The following GALNT13 variants were observed in gnomAD, a reference collection of about 807,000 sequenced individuals.
The protein encoded by GALNT13 is UDP-GalNAc:polypeptide N-acetylgalactosaminyltransferase 13.
A neutral mutation model predicts 64.2 loss-of-function variants in GALNT13; 28 were observed. The observed-to-expected ratio is 0.44, with a 90% confidence interval of 0.32 to 0.60. The LOEUF is 0.60. Among genes scored for constraint, GALNT13 ranks in the 20% least tolerant of loss-of-function variants. The probability of loss-of-function intolerance (pLI) is 0.05; values close to 1 mark genes in which losing one functional copy is unlikely to be tolerated. For synonymous variants in GALNT13, 214 were observed against 224.6 expected, an observed-to-expected ratio of 0.95 and a Z score of 0.42; for missense variants, 577 against 669.8, an observed-to-expected ratio of 0.86 and a Z score of 1.53.
At chr2:153,283,645 C>T in the GALNT13 span, among the ~76,000 whole-genome samples, 9 of 151,028 alleles carry the variant, frequency 6.0e-5, no homozygotes, top group Admixed American at 6.6e-5. Context: ...GGGTCAGCTC[C>T]GGTTGCTTAA....
At chr2:153,880,981 CAAAA>C (rs1686744311) in intron 1 of GALNT13, among the ~76,000 whole-genome samples, 1 of 151,830 alleles carries the variant, frequency 6.6e-6, no homozygotes, top group African/African-American at 2.4e-5. Context: ...AAACAAAAAA[CAAAA>C]AAGGAAATTA....
chr2:153,500,317 C>T, the GALNT13 span, among the ~76,000 whole-genome samples: 12,169 of 152,108 alleles, frequency 0.08, 530 homozygotes, highest in Middle Eastern at 0.13. Context: ...AGACATAGAT[C>T]AAAATGAAAC....
At chr2:154,354,339 A>G (rs1696591309) in intron 9 of GALNT13, among the ~76,000 whole-genome samples, 1 of 149,682 alleles carries the variant, frequency 6.7e-6, no homozygotes, top group Non-Finnish European at 1.5e-5. Flanking sequence ...CCCACTCCAC[A>G]GGTTGCCTTT....
At chr2:153,753,938 T>A in the GALNT13 span, among the ~76,000 whole-genome samples, 1 of 152,248 alleles carries the variant, frequency 6.6e-6, no homozygotes, top group South Asian at 2.1e-4. Flanking sequence ...ATAGAGCATT[T>A]CCCAGTTTTC....
intron 9 of GALNT13, among the ~76,000 whole-genome samples, chr2:154,316,852 C>T (rs1319955905): frequency 7.2e-5 from 11 of 152,150 alleles, no homozygotes; most frequent in Admixed American, 7.2e-4. Context: ...TTGGGTGACA[C>T]ATTTAACACA....
At chr2:154,025,347 A>T (rs1697876619) in intron 3 of GALNT13, among the ~76,000 whole-genome samples, 1 of 152,164 alleles carries the variant, frequency 6.6e-6, no homozygotes, top group Non-Finnish European at 1.5e-5. Flanking sequence ...AAAATAAATA[A>T]AGTTTACCTC....
At chr2:153,884,870 C>G (rs1463105549) in intron 1 of GALNT13, among the ~76,000 whole-genome samples, 2 of 144,730 alleles carry the variant, frequency 1.4e-5, no homozygotes, top group African/African-American at 5.2e-5. Context: ...CACACACACA[C>G]ACACACACAC....
At chr2:153,225,538 GAAAT>G in the GALNT13 span, among the ~76,000 whole-genome samples, 2 of 152,058 alleles carry the variant, frequency 1.3e-5, no homozygotes, top group Non-Finnish European at 2.9e-5. Context: ...AGATTGGAAA[GAAAT>G]AAAGTTTATT....
chr2:153,691,308 G>GGA, the GALNT13 span, among the ~76,000 whole-genome samples: 17 of 151,994 alleles, frequency 1.1e-4, no homozygotes, highest in African/African-American at 3.1e-4. Flanking sequence ...TACCTTTGCC[G>GGA]GAGAGAGAGA....
chr2:153,630,937 T>C, the GALNT13 span, among the ~76,000 whole-genome samples: 1 of 150,534 alleles, frequency 6.6e-6, no homozygotes, highest in African/African-American at 2.4e-5. Flanking sequence ...ATTAGGTATA[T>C]CTCCTAGTGC....
intron 3 of GALNT13, among the ~76,000 whole-genome samples, chr2:154,032,641 A>G (rs1698410067): frequency 6.6e-6 from 1 of 152,006 alleles, no homozygotes; most frequent in Non-Finnish European, 1.5e-5. Context: ...TCATATTAAT[A>G]AAGAAGAAAA....
the GALNT13 span, among the ~76,000 whole-genome samples, chr2:153,519,378 G>A: frequency 1.3e-5 from 2 of 152,144 alleles, no homozygotes; most frequent in Non-Finnish European, 2.9e-5. Context: ...CAAGTTAAAA[G>A]GATCAGGAAG....
At chr2:154,120,118 A>G (rs887650544) in intron 3 of GALNT13, among the ~76,000 whole-genome samples, 11 of 152,060 alleles carry the variant, frequency 7.2e-5, no homozygotes, top group Admixed American at 7.2e-4. Flanking sequence ...ACTATTTAAT[A>G]TAGCCTGTGA....
the GALNT13 span, among the ~76,000 whole-genome samples, chr2:153,309,687 A>G: frequency 6.6e-6 from 1 of 152,142 alleles, no homozygotes; most frequent in African/African-American, 2.4e-5. Context: ...CTAAAATCCT[A>G]GGTAAACTTA....
the GALNT13 span, among the ~76,000 whole-genome samples, chr2:153,437,750 G>A: frequency 0.055 from 8,265 of 151,278 alleles, 314 homozygotes; most frequent in South Asian, 0.14. Flanking sequence ...TCCTGAATAC[G>A]GCACACTGAT....
At chr2:153,321,345 T>G in the GALNT13 span, among the ~76,000 whole-genome samples, 2 of 152,216 alleles carry the variant, frequency 1.3e-5, no homozygotes, top group African/African-American at 2.4e-5. Context: ...CCTTGATAGG[T>G]GCTGTGGCCT....
chr2:153,917,021 G>T (rs1180630497), intron 2 of GALNT13, among the ~76,000 whole-genome samples: 2 of 152,126 alleles, frequency 1.3e-5, no homozygotes, highest in Admixed American at 1.3e-4. Context: ...ACTGACGAAA[G>T]AAATTATACA....
the GALNT13 span, among the ~76,000 whole-genome samples, chr2:153,677,087 ATC>A: frequency 6.6e-6 from 1 of 152,016 alleles, no homozygotes; most frequent in African/African-American, 2.4e-5. Flanking sequence ...AAGTCAAACT[ATC>A]TCTCTTCAAA....
the GALNT13 span, among the ~76,000 whole-genome samples, chr2:153,857,786 T>C: frequency 6.6e-6 from 1 of 152,162 alleles, no homozygotes; most frequent in African/African-American, 2.4e-5. Flanking sequence ...TTTTAATTTT[T>C]TTAGGTATGT....
Sources: allele counts gnomAD v4.1 joint callset (sites outside exome capture counted in the v4.1 genomes callset), GRCh38; gene constraint gnomAD v4.1.1; transcripts MANE v1.5; gene names NCBI Gene and HGNC (gene_info 2026-07-23, HGNC 2026-07-21).